Variants in PEX5 observed in about 807,000 individuals in gnomAD.
PEX5 encodes the protein peroxisomal biogenesis factor 5.
In PEX5, 52 loss-of-function variants were observed where a neutral mutation model predicts 82.9. That is an observed-to-expected ratio of 0.63 (90% CI 0.50 to 0.79). The LOEUF (loss-of-function observed/expected upper bound fraction) is 0.79, where lower values mean the gene tolerates loss of function less well. Among genes scored for constraint, PEX5 ranks in the 30% least tolerant of loss-of-function variants. PEX5 has a pLI of 0.00. For synonymous variants in PEX5, 300 were observed against 318.8 expected (o/e 0.94, Z 0.63); for missense variants, 719 against 815.2 (o/e 0.88, Z 1.44).
chr12:7,205,265 C>A (rs747526857), intron 10 of PEX5, among the ~76,000 whole-genome samples: 1 of 151,392 alleles, frequency 6.6e-6, no homozygotes, highest in South Asian at 2.1e-4. Context: ...GAAATACTTG[C>A]ATTAATGTTC....
downstream of PEX5, among the ~76,000 whole-genome samples, chr12:7,215,883 T>TAAA (rs892314844): frequency 6.6e-6 from 1 of 152,020 alleles, no homozygotes; most frequent in African/African-American, 2.4e-5. Flanking sequence ...GAACCTGGAA[T>TAAA]AAAAGTCAAA....
chr12:7,209,249 A>T (rs1421027164), intron 14 of PEX5, 79 bp downstream of exon 14: 4 of 1,410,206 alleles, frequency 2.8e-6, no homozygotes, highest in Non-Finnish European at 4.0e-6. Flanking sequence ...GCTGGGTTTG[A>T]TGGTGCATGC....
intron 10 of PEX5, 27 bp downstream of exon 10, chr12:7,203,578 G>T: frequency 1.2e-6 from 2 of 1,606,666 alleles, no homozygotes; most frequent in Non-Finnish European, 1.7e-6. Context: ...TAGTTTTTCA[G>T]GTTCCAGAAC....
upstream of PEX5, chr12:7,189,607 A>C (rs1225032355): frequency 3.5e-6 from 1 of 282,552 alleles, no homozygotes; most frequent in Non-Finnish European, 6.5e-6. Flanking sequence ...CTTTTCAGAC[A>C]GCTTCCGCTG....
chr12:7,199,733 C>T lies in PEX5; in HGVS notation c.551+620C>T, dbSNP rs757882678. ...TGAGCTATTGGGTACACCTCCCAGA[C>T]GGGGTGGTGGCCAGGCAGAGGGGCT... On this transcript the variant is annotated intron_variant, in intron 6 of 15. Transcript: ENST00000675855. Among the ~76,000 whole-genome samples, 10 of 151,252 alleles carry T rather than the reference C, an allele frequency of 6.6e-5. No homozygotes were observed. The East Asian group carries it at 1.6e-3, about 24-fold the overall frequency.
chr12:7,191,374 AG>A lies in PEX5; in HGVS notation c.316+17del. The A allele has an allele frequency of 6.2e-7, 1 of 1,614,136 alleles. No individual in the cohort carries two copies. The highest frequency in any genetic ancestry group is 8.5e-7 in the Non-Finnish European group (1 of 1,180,010). ...CCCCAGAGAGGTGAGTCCAGAGTCT[AG>A]TGGGAGGGGAGATCGTTTTCCATGT... On this transcript the variant is annotated intron_variant, in intron 4 of 15. Coordinates refer to ENST00000675855, the MANE Select transcript of PEX5 (RefSeq NM_001351132.2).
downstream of PEX5, among the ~76,000 whole-genome samples, chr12:7,214,723 AAAAT>A (rs948217088): frequency 5.2e-5 from 7 of 135,182 alleles, no homozygotes; most frequent in African/African-American, 8.6e-5. Context: ...TAATAATAAT[AAAAT>A]AAAAAAAGAA....
At chr12:7,201,133 G>A (rs116727390) in intron 6 of PEX5, among the ~76,000 whole-genome samples, 4,469 of 112,148 alleles carry the variant, frequency 0.04, 108 homozygotes, top group Non-Finnish European at 0.06. Context: ...GCATGTGTGC[G>A]TGCACACACA....
At position 7,189,740 on chromosome 12, in the gene PEX5, G is replaced by T; in HGVS notation, c.-27G>T. 2.4e-6 allele frequency: 1 copy of T among 409,836 alleles called. No homozygotes were observed. The highest frequency in any genetic ancestry group is 4.1e-6 in the Non-Finnish European group (1 of 243,474). 25.4% of individuals were successfully genotyped at this position (409,836 alleles called of 1,614,324 possible). ...GGTGCCCCGGCGGGTCGTGCGGCGC[G>T]GCGCTCCGCGGTGAGCGCCTGACCC... On this transcript the variant is annotated 5_prime_UTR_variant, in exon 1 of 16. Transcript: ENST00000675855.
intron 6 of PEX5, among the ~76,000 whole-genome samples, chr12:7,199,816 G>A (rs1372292253): frequency 7.0e-6 from 1 of 143,808 alleles, no homozygotes; most frequent in Non-Finnish European, 1.5e-5. Flanking sequence ...TGGACGGGGC[G>A]GCTGGCCGGG....
chr12:7,210,244 TGA>T lies in PEX5; in HGVS notation c.*23_*24del. 6.2e-7 allele frequency: 1 copy of T among 1,609,584 alleles called. No individual in the cohort carries two copies. The highest frequency in any genetic ancestry group is 8.5e-7 in the Non-Finnish European group (1 of 1,176,358). On this transcript the variant is annotated 3_prime_UTR_variant, in exon 16 of 16. Transcript: ENST00000675855. ...AGTGACAGTGGGACGGGCTGCCCTG[TGA>T]GTGTCCACCTGGAGGGATCCCCGCT...
At chr12:7,198,701 T>C (rs1225981008) in intron 5 of PEX5, among the ~76,000 whole-genome samples, 1 of 152,214 alleles carries the variant, frequency 6.6e-6, no homozygotes, top group Non-Finnish European at 1.5e-5. Context: ...TCCTATTTCT[T>C]ATTGAAATAT....
At position 7,190,422 on chromosome 12, in the gene PEX5, C is replaced by T; in HGVS notation, c.45C>T (p.Asn15=). The T allele has an allele frequency of 1.2e-6, 2 of 1,614,198 alleles. No individual in the cohort carries two copies. Among genetic ancestry groups the T allele is most frequent in the Non-Finnish European group, 1.7e-6 (2 of 1,180,042 alleles). Residue 15 remains asparagine (N), a synonymous_variant, in exon 2 of 16, where the codon AAC becomes AAT. Coordinates refer to ENST00000675855, the MANE Select transcript of PEX5 (RefSeq NM_001351132.2). The part of the protein sequence containing the change: ...ELVEAECGGA[N]PLMKLAGHFT... ...TGGAGGCCGAATGCGGGGGTGCCAA[C>T]CCGCTCATGAAGCTCGCCGGGCACT...
At chr12:7,206,267 A>G (rs781221093) in intron 10 of PEX5, among the ~76,000 whole-genome samples, 82 of 152,358 alleles carry the variant, frequency 5.4e-4, no homozygotes, top group African/African-American at 1.9e-3. Flanking sequence ...CAAAAGAGTA[A>G]TACTTTGTGA....
rs1943246185 is a variant in PEX5 at position 7,199,082 on chromosome 12, G to A, written c.520G>A (p.Gly174Arg). The A allele has an allele frequency of 1.2e-6, 2 of 1,607,780 alleles. No individual in the cohort carries two copies. The highest frequency in any genetic ancestry group is 1.7e-5 in the Admixed American group (1 of 59,590). Residue 174 changes from glycine (G) to arginine (R), a missense_variant, in exon 6 of 16, where the codon GGA becomes AGA. Gly to Arg is a moderately radical substitution (Grantham distance 125). Coordinates refer to ENST00000675855, the MANE Select transcript of PEX5 (RefSeq NM_001351132.2). Reference protein sequence around the residue: ...LEQSEEKLWLGEPEGTATDRW... With the variant: ...LEQSEEKLWLREPEGTATDRW... ...GCAATCAGAGGAGAAGCTGTGGCTGGGAGAACCTGAGGGAACAGCCACCGA... is the reference window on the plus strand; with the variant it reads ...GCAATCAGAGGAGAAGCTGTGGCTGAGAGAACCTGAGGGAACAGCCACCGA...
At chr12:7,200,131 G>T (rs1215022511) in intron 6 of PEX5, among the ~76,000 whole-genome samples, 2 of 151,046 alleles carry the variant, frequency 1.3e-5, no homozygotes, top group East Asian at 2.0e-4. Flanking sequence ...TCACTTCCCA[G>T]ACGGGGCGGC....
At chr12:7,201,700 G>A (rs1156240960) in intron 6 of PEX5, 51 bp from the exon 7 acceptor site, 2 of 1,267,868 alleles carry the variant, frequency 1.6e-6, no homozygotes, top group Non-Finnish European at 2.3e-6. Context: ...GGAGTAGCAT[G>A]GGGAGGGTGA....
At chr12:7,200,455 A>G (rs1301442246) in intron 6 of PEX5, among the ~76,000 whole-genome samples, 1 of 143,556 alleles carries the variant, frequency 7.0e-6, no homozygotes, top group African/African-American at 2.6e-5. Flanking sequence ...ATGGGCGGCC[A>G]GGCAGAGACG....
intron 17 of PEX5, among the ~76,000 whole-genome samples, chr12:7,218,130 G>A (rs1345919340): frequency 2.0e-5 from 3 of 152,212 alleles, no homozygotes; most frequent in Non-Finnish European, 4.4e-5. Flanking sequence ...ACACTGCAAA[G>A]AGATGTGGAT....
Sources: allele counts gnomAD v4.1 joint callset (sites outside exome capture counted in the v4.1 genomes callset), GRCh38; gene constraint gnomAD v4.1.1; transcripts MANE v1.5; gene names NCBI Gene and HGNC (gene_info 2026-07-23, HGNC 2026-07-21).